The following ZMYM4 variants were observed in gnomAD, a reference collection of about 807,000 sequenced individuals.
ZMYM4 encodes the protein zinc finger MYM-type protein 4.
In ZMYM4, 31 loss-of-function variants were observed where a neutral mutation model predicts 183.2. The ratio of observed to expected loss-of-function variants is 0.17; its 90% CI spans 0.13 to 0.23. The LOEUF (loss-of-function observed/expected upper bound fraction) is 0.23, where lower values mean the gene tolerates loss of function less well. Among genes scored for constraint, ZMYM4 ranks in the 10% least tolerant of loss-of-function variants. ZMYM4 has a pLI of 1.00. For missense variants in ZMYM4, 1,273 were observed against 1,840.3 expected, an observed-to-expected ratio of 0.69 and a Z score of 5.64; for synonymous variants, 592 against 631.2, an observed-to-expected ratio of 0.94 and a Z score of 0.93.
At chr1:35,306,154 C>T (rs1641522957) in intron 1 of ZMYM4, among the ~76,000 whole-genome samples, 1 of 152,008 alleles carries the variant, frequency 6.6e-6, no homozygotes, top group African/African-American at 2.4e-5. Context: ...TGCATTTTTT[C>T]ACTGTTCTAT....
At chr1:35,379,956 GA>G (rs1335496168) in intron 7 of ZMYM4, among the ~76,000 whole-genome samples, 3 of 152,134 alleles carry the variant, frequency 2.0e-5, no homozygotes, top group Admixed American at 6.5e-5. Flanking sequence ...ACTAATCATA[GA>G]AAAACAGATA....
intron 5 of ZMYM4, among the ~76,000 whole-genome samples, chr1:35,367,850 C>A (rs566203546): frequency 6.6e-6 from 1 of 152,118 alleles, no homozygotes; most frequent in Admixed American, 6.5e-5. Context: ...GTGGCAGGCA[C>A]CTGTAATCTC....
chr1:35,361,839 T>C (rs760605929), intron 5 of ZMYM4, 50 bp downstream of exon 5: 15 of 1,571,318 alleles, frequency 9.5e-6, no homozygotes, highest in Middle Eastern at 1.7e-4. Context: ...ACACATTGAA[T>C]TATTCATTTG....
chr1:35,323,178 T>G (rs753245491), intron 1 of ZMYM4, among the ~76,000 whole-genome samples: 1 of 149,724 alleles, frequency 6.7e-6, no homozygotes, highest in Non-Finnish European at 1.5e-5. Flanking sequence ...ATTTTTGTAT[T>G]TTCAGTAGGG....
At chr1:35,400,497 G>T (rs954943777) in intron 23 of ZMYM4, among the ~76,000 whole-genome samples, 1 of 152,028 alleles carries the variant, frequency 6.6e-6, no homozygotes, top group East Asian at 1.9e-4. Flanking sequence ...GAGCCACCGC[G>T]CCCGGCCAGT....
chr1:35,354,645 T>C (rs1346023688), intron 2 of ZMYM4, among the ~76,000 whole-genome samples: 1 of 148,294 alleles, frequency 6.7e-6, no homozygotes, highest in Non-Finnish European at 1.5e-5. Flanking sequence ...GAGAATCGCT[T>C]GAACCTGGGA....
intron 2 of ZMYM4, among the ~76,000 whole-genome samples, chr1:35,346,650 CAAAAAAAAAAAA>C (rs746472685): frequency 3.7e-5 from 2 of 54,188 alleles, no homozygotes; most frequent in Non-Finnish European, 5.2e-5. Flanking sequence ...GACTCCATCT[CAAAAAAAAAAAA>C]AAAAAAAAGA....
intron 1 of ZMYM4, among the ~76,000 whole-genome samples, chr1:35,270,666 A>G (rs1639550145): frequency 6.6e-6 from 1 of 152,146 alleles, no homozygotes; most frequent in Non-Finnish European, 1.5e-5. Context: ...AGGCTGAGGC[A>G]GGGGAATCGC....
intron 2 of ZMYM4, among the ~76,000 whole-genome samples, chr1:35,333,703 T>C (rs1236334942): frequency 6.6e-6 from 1 of 152,162 alleles, no homozygotes; most frequent in Non-Finnish European, 1.5e-5. Context: ...ATAACATCAT[T>C]ATATACATAA....
intron 1 of ZMYM4, among the ~76,000 whole-genome samples, chr1:35,318,054 G>GTTTTT (rs58071694): frequency 2.7e-4 from 32 of 116,598 alleles, no homozygotes; most frequent in Non-Finnish European, 4.6e-4. Context: ...GATTATGGCA[G>GTTTTT]TTTTTTTTTT....
intron 9 of ZMYM4, among the ~76,000 whole-genome samples, chr1:35,383,186 A>G (rs1484181145): frequency 6.6e-6 from 1 of 152,184 alleles, no homozygotes; most frequent in African/African-American, 2.4e-5. Context: ...ATTTTGATCA[A>G]ATATTAGTTT....
At chr1:35,274,563 G>GC (rs924257860) in intron 1 of ZMYM4, among the ~76,000 whole-genome samples, 3 of 149,716 alleles carry the variant, frequency 2.0e-5, no homozygotes, top group African/African-American at 7.4e-5. Flanking sequence ...CTATGATTGT[G>GC]CCACTGCACT....
At chr1:35,349,811 C>G (rs1054230956) in intron 2 of ZMYM4, among the ~76,000 whole-genome samples, 2 of 145,092 alleles carry the variant, frequency 1.4e-5, no homozygotes, top group African/African-American at 5.1e-5. Flanking sequence ...GCCTGGGAGA[C>G]AGAGCCAGAC....
chr1:35,350,864 A>C, intron 2 of ZMYM4: 1 of 587,128 alleles, frequency 1.7e-6, no homozygotes, highest in East Asian at 2.9e-5. Context: ...AAAACACACA[A>C]ATACAGGATG....
At chr1:35,399,074 C>T in intron 22 of ZMYM4, 31 bp downstream of exon 22, 2 of 1,605,358 alleles carry the variant, frequency 1.2e-6, no homozygotes, top group Non-Finnish European at 1.7e-6. Context: ...CCACTGAAAG[C>T]TTTTTATTTT....
intron 1 of ZMYM4, among the ~76,000 whole-genome samples, chr1:35,277,647 T>TG (rs1370938120): frequency 1.3e-5 from 2 of 152,210 alleles, no homozygotes; most frequent in African/African-American, 4.8e-5. Flanking sequence ...TGATTTTTTT[T>TG]GGTCATTTCT....
At chr1:35,390,580 A>G (rs1644683108) in intron 15 of ZMYM4, among the ~76,000 whole-genome samples, 1 of 152,216 alleles carries the variant, frequency 6.6e-6, no homozygotes, top group South Asian at 2.1e-4. Flanking sequence ...GAATGTCATC[A>G]GTTAAGGCAG....
chr1:35,269,509 C>T (rs1639489529), intron 1 of ZMYM4, among the ~76,000 whole-genome samples: 1 of 151,910 alleles, frequency 6.6e-6, no homozygotes, highest in Non-Finnish European at 1.5e-5. Context: ...CCGGAGGGTT[C>T]TTCAGTAACA....
At chr1:35,360,644 C>T (rs1643915241) in intron 3 of ZMYM4, among the ~76,000 whole-genome samples, 2 of 152,016 alleles carry the variant, frequency 1.3e-5, no homozygotes, top group Admixed American at 1.3e-4. Flanking sequence ...CGTAGAAGTG[C>T]CAATGTCCAG....
Sources: allele counts gnomAD v4.1 joint callset (sites outside exome capture counted in the v4.1 genomes callset), GRCh38; gene constraint gnomAD v4.1.1; transcripts MANE v1.5; gene names NCBI Gene and HGNC (gene_info 2026-07-23, HGNC 2026-07-21).